NMBR: variants seen among roughly 807,000 people sequenced by gnomAD.
NMBR encodes neuromedin-B receptor.
Under a neutral mutation model 20.5 loss-of-function variants are expected in NMBR, and 16 were observed. The ratio of observed to expected loss-of-function variants is 0.78; its 90% CI spans 0.53 to 1.19. The LOEUF (loss-of-function observed/expected upper bound fraction) is 1.19, where lower values mean the gene tolerates loss of function less well. NMBR is among the 50% of genes most tolerant of loss of function. The pLI, the probability that NMBR is intolerant of heterozygous loss-of-function variation, is 0.00. For missense variants in NMBR, 582 were observed against 499.1 expected (o/e 1.17, Z -1.58); for synonymous variants, 212 against 196.6 (o/e 1.08, Z -0.65).
At chr6:142,146,209 G>A (rs1317593511) in intron 1 of NMBR, among the ~76,000 whole-genome samples, 1 of 152,196 alleles carries the variant, frequency 6.6e-6, no homozygotes, top group African/African-American at 2.4e-5. Context: ...AACGTATGTG[G>A]AGTGGGATAA....
intron 1 of NMBR, among the ~76,000 whole-genome samples, chr6:142,126,529 C>G (rs193119348): frequency 6.6e-6 from 1 of 151,924 alleles, no homozygotes; most frequent in African/African-American, 2.4e-5. Context: ...CTCCCACCAA[C>G]AGTGTGTACA....
At position 142,075,767 on chromosome 6, in the gene NMBR, T is replaced by G. The variant is rs773219194; in HGVS notation, c.1054A>C (p.Ser352Arg). 6 of 1,614,120 alleles carry G rather than the reference T, an allele frequency of 3.7e-6. No homozygotes were observed. Among genetic ancestry groups the G allele is most frequent in the Non-Finnish European group, 3.4e-6 (4 of 1,179,960 alleles). The change falls in exon 4 of 4, where the codon AGC becomes CGC. Residue 352 changes from serine (S) to arginine (R), a missense_variant. Physicochemically the swap from Ser to Arg is moderately radical, Grantham distance 110. Transcript: ENST00000258042. Reference sequence around the variant, plus strand: ...ACCGCTGAAGAGCTGAGTAGGTAGCTGGTTCCTCTCTCTTGATAGGACTTC... The same window carrying G: ...ACCGCTGAAGAGCTGAGTAGGTAGCGGGTTCCTCTCTCTTGATAGGACTTC... ...GRKSYQERGT[S>R]YLLSSSAVRM...
chr6:142,076,392 A>G (rs1156259906), intron 3 of NMBR, among the ~76,000 whole-genome samples: 1 of 152,170 alleles, frequency 6.6e-6, no homozygotes, highest in Non-Finnish European at 1.5e-5. Flanking sequence ...TAAATCCACT[A>G]AATTAATAAA....
Position 142,075,211 on chromosome 6 carries a change from CTGAA to C in NMBR, c.*433_*436del, listed in dbSNP as rs1776905436. Among the ~76,000 whole-genome samples, 1 of 152,012 alleles carries C rather than the reference CTGAA, an allele frequency of 6.6e-6. No homozygotes were observed. The highest frequency in any genetic ancestry group is 2.1e-4 in the South Asian group (1 of 4,832). On this transcript the variant is annotated 3_prime_UTR_variant, in exon 4 of 4. Transcript: ENST00000258042. ...AATAGGAGTTTGAATATTACCCTCA[CTGAA>C]TCATTGAGTCAATATAGAAATTTAT...
intron 1 of NMBR, among the ~76,000 whole-genome samples, chr6:142,122,540 AT>A (rs779385959): frequency 1.2e-4 from 18 of 151,992 alleles, no homozygotes; most frequent in Admixed American, 3.9e-4. Flanking sequence ...AAACAGCTTT[AT>A]ACTGGGAAAA....
In NMBR at chr6:142,088,404, C is replaced by A. The variant is rs374713492; in HGVS notation, c.255G>T (p.Leu85=). 3.4e-4 allele frequency: 544 copies of A among 1,614,020 alleles called. 5 individuals are homozygous for A. The South Asian group carries it at 5.3e-3, about 16-fold the overall frequency. Reference sequence around the variant, plus strand: ...GCAGCAGCAGCAAGTCCCCGGCCGCCAGGTTAGAGATGAAGATGTTGGGGA... The same window carrying A: ...GCAGCAGCAGCAAGTCCCCGGCCGCAAGGTTAGAGATGAAGATGTTGGGGA... ...RSVPNIFISN[L]AAGDLLLLLT... is the part of the protein sequence containing the mutation. Residue 85 remains leucine, a synonymous_variant, in exon 2 of 4, where the codon CTG becomes CTT. Transcript: ENST00000258042.
chr6:142,125,521 T>TACATGTTCATACATATACACATA (rs1554215499), intron 1 of NMBR, among the ~76,000 whole-genome samples: 1 of 70,506 alleles, frequency 1.4e-5, no homozygotes, highest in Admixed American at 1.2e-4. Flanking sequence ...ACATACACAA[T>TACATGTTCATACATATACACATA]TACTCATGCT....
intron 1 of NMBR, chr6:142,133,008 T>C: frequency 2.2e-6 from 1 of 463,236 alleles, no homozygotes; most frequent in Non-Finnish European, 3.9e-6. Context: ...GATCTAAGAG[T>C]AAAGGAGGAG....
intron 2 of NMBR, among the ~76,000 whole-genome samples, chr6:142,087,428 A>G (rs1278409229): frequency 6.6e-6 from 1 of 152,164 alleles, no homozygotes; most frequent in East Asian, 1.9e-4. Context: ...TTCTGCTTAA[A>G]TGGACCCTGA....
intron 1 of NMBR, among the ~76,000 whole-genome samples, chr6:142,094,175 T>C (rs1464070916): frequency 2.0e-5 from 3 of 152,090 alleles, no homozygotes; most frequent in African/African-American, 7.2e-5. Context: ...TTTGTCAATT[T>C]TGGCTTTTGT....
At chr6:142,090,938 G>A (rs940515066) in intron 1 of NMBR, among the ~76,000 whole-genome samples, 2 of 151,926 alleles carry the variant, frequency 1.3e-5, no homozygotes, top group Non-Finnish European at 2.9e-5. Flanking sequence ...CTAAAAGCTG[G>A]ATTAATAAAT....
intron 1 of NMBR, among the ~76,000 whole-genome samples, chr6:142,112,138 G>A (rs1777777205): frequency 6.6e-6 from 1 of 152,138 alleles, no homozygotes; most frequent in Admixed American, 6.6e-5. Flanking sequence ...ACCAGCATGG[G>A]CAAAATGAAA....
At chr6:142,093,842 A>T (rs1197868870) in intron 1 of NMBR, among the ~76,000 whole-genome samples, 1 of 152,062 alleles carries the variant, frequency 6.6e-6, no homozygotes, top group East Asian at 1.9e-4. Context: ...AATGACTGCC[A>T]TTCTAACTGG....
chr6:142,105,110 G>A (rs1470800829), intron 1 of NMBR, among the ~76,000 whole-genome samples: 1 of 149,264 alleles, frequency 6.7e-6, no homozygotes, highest in East Asian at 1.9e-4. Context: ...ACAAGGGCGG[G>A]GGAATATCAC....
At chr6:142,130,519 G>A in intron 1 of NMBR, among the ~76,000 whole-genome samples, 1 of 152,110 alleles carries the variant, frequency 6.6e-6, no homozygotes, top group East Asian at 1.9e-4. Flanking sequence ...AAAAATAGCT[G>A]TAAATGTATG....
intron 1 of NMBR, among the ~76,000 whole-genome samples, chr6:142,121,305 AG>A (rs1777940233): frequency 1.3e-5 from 2 of 151,912 alleles, no homozygotes; most frequent in African/African-American, 4.8e-5. Flanking sequence ...AACCCAACAA[AG>A]GCCTCTAAGT....
At chr6:142,143,787 A>C (rs1029648138) in intron 1 of NMBR, among the ~76,000 whole-genome samples, 1 of 26,302 alleles carries the variant, frequency 3.8e-5, no homozygotes, top group African/African-American at 7.0e-5. Flanking sequence ...AAAGCAAAGG[A>C]AAAAAAAAAA....
At chr6:142,132,827 C>T (rs531064540) in intron 1 of NMBR, among the ~76,000 whole-genome samples, 1 of 152,196 alleles carries the variant, frequency 6.6e-6, no homozygotes, top group Non-Finnish European at 1.5e-5. Flanking sequence ...TGCTCAGAAC[C>T]TTTGTGGGGG....
At chr6:142,109,608 T>C (rs1422678968) in intron 1 of NMBR, among the ~76,000 whole-genome samples, 1 of 151,746 alleles carries the variant, frequency 6.6e-6, no homozygotes, top group African/African-American at 2.4e-5. Context: ...CTCAATATTA[T>C]TACCCATCAT....
Sources: gnomAD v4.1 joint callset for allele counts (sites outside exome capture counted in the v4.1 genomes callset) on GRCh38, gnomAD v4.1.1 for gene constraint, MANE v1.5 for transcripts, NCBI Gene and HGNC (gene_info 2026-07-23, HGNC 2026-07-21) for gene names.